DNAAF9: variants seen among roughly 807,000 people sequenced by gnomAD.
DNAAF9 encodes shulin.
In DNAAF9, 90 loss-of-function variants were observed where a neutral mutation model predicts 167.0. That is an observed-to-expected ratio of 0.54 (90% CI 0.45 to 0.64). The LOEUF is 0.64. Among genes scored for constraint, DNAAF9 ranks in the 30% least tolerant of loss-of-function variants. The probability of loss-of-function intolerance (pLI) is 0.00; values close to 1 mark genes in which losing one functional copy is unlikely to be tolerated. For synonymous variants in DNAAF9, 491 were observed against 508.8 expected, an observed-to-expected ratio of 0.96 and a Z score of 0.47; for missense variants, 1,315 against 1,442.2, an observed-to-expected ratio of 0.91 and a Z score of 1.43.
chr20:3,265,468 G>A (rs1173873946), intron 30 of DNAAF9, among the ~76,000 whole-genome samples: 1 of 150,030 alleles, frequency 6.7e-6, no homozygotes. Context: ...TTAGGAGGCC[G>A]AGGCAGGAGA....
chr20:3,301,241 G>A (rs1384038972), intron 21 of DNAAF9, among the ~76,000 whole-genome samples: 3 of 149,152 alleles, frequency 2.0e-5, no homozygotes, highest in African/African-American at 7.4e-5. Context: ...AGGCTGGAGT[G>A]CAATGGCGCA....
intron 21 of DNAAF9, among the ~76,000 whole-genome samples, chr20:3,302,053 C>G (rs976712054): frequency 6.6e-6 from 1 of 152,024 alleles, no homozygotes; most frequent in African/African-American, 2.4e-5. Flanking sequence ...TGCAATTCTC[C>G]TGCCTCAGTC....
intron 31 of DNAAF9, among the ~76,000 whole-genome samples, chr20:3,260,345 C>CAAAAAA (rs773574489): frequency 6.7e-6 from 1 of 148,424 alleles, no homozygotes; most frequent in African/African-American, 2.5e-5. Flanking sequence ...GACTCCGTCT[C>CAAAAAA]AAAAAAAAAA....
chr20:3,367,009 T>C (rs1323749830), intron 6 of DNAAF9, among the ~76,000 whole-genome samples: 2 of 152,220 alleles, frequency 1.3e-5, no homozygotes, highest in Non-Finnish European at 2.9e-5. Context: ...AAGGCTGTTG[T>C]CAGCACTGAA....
In DNAAF9 at chr20:3,364,760, C is replaced by A. The variant is rs540357793; in HGVS notation, c.613-5167G>T. Among the ~76,000 whole-genome samples, 4 of 152,144 alleles carry A rather than the reference C, an allele frequency of 2.6e-5. No individual in the cohort carries two copies. In the East Asian group the frequency reaches 7.7e-4, roughly 29 times the overall value. Reference sequence around the variant, plus strand: ...TAAAAAATGCGAACAATCAACTGAGCCTTCAGTGAGTCACAATCTTTTTGC... The same window carrying A: ...TAAAAAATGCGAACAATCAACTGAGACTTCAGTGAGTCACAATCTTTTTGC... On this transcript the variant is annotated intron_variant, in intron 6 of 36. Coordinates refer to ENST00000252032, the MANE Select transcript of DNAAF9 (RefSeq NM_001009984.3).
Position 3,343,661 on chromosome 20 carries a change from A to C in DNAAF9, c.845+15T>G, listed in dbSNP as rs770818168. On this transcript the variant is annotated intron_variant, in intron 9 of 36. Transcript: ENST00000252032. ...CTATCACCATTCGCCCTTCTTCCCC[A>C]AGAAAGAAACTTACCTGTTTTCAGT... The C allele has an allele frequency of 6.2e-7, 1 of 1,605,078 alleles. No individual in the cohort carries two copies. The highest frequency in any genetic ancestry group is 1.7e-5 in the Admixed American group (1 of 59,572).
chr20:3,309,046 CACAA>C (rs1480410164), intron 20 of DNAAF9, among the ~76,000 whole-genome samples: 3 of 152,156 alleles, frequency 2.0e-5, no homozygotes, highest in Non-Finnish European at 4.4e-5. Context: ...TTGGAGAGGA[CACAA>C]ACATTCAGTC....
rs557223764 is a variant in DNAAF9, at chr20:3,406,534, C to T, written c.83+941G>A. 2.0e-5 allele frequency among the ~76,000 whole-genome samples: 3 copies of T among 152,276 alleles called. No individual in the cohort carries two copies. In the South Asian group the frequency reaches 6.2e-4, roughly 32 times the overall value. Reference sequence around the variant, plus strand: ...CCATCATTCCAACCTCCACACTGCGCCGGCGCCCCACACCAGCTCCATCAC... The same window carrying T: ...CCATCATTCCAACCTCCACACTGCGTCGGCGCCCCACACCAGCTCCATCAC... On this transcript the variant is annotated intron_variant, in intron 1 of 36. Coordinates refer to ENST00000252032, the MANE Select transcript of DNAAF9 (RefSeq NM_001009984.3).
intron 20 of DNAAF9, among the ~76,000 whole-genome samples, chr20:3,314,088 T>G (rs774683193): frequency 8.5e-5 from 13 of 152,200 alleles, no homozygotes; most frequent in Non-Finnish European, 1.8e-4. Context: ...GGCAGATGAC[T>G]TGTCTCTTTA....
chr20:3,307,449 T>C (rs1157567483), intron 20 of DNAAF9, among the ~76,000 whole-genome samples: 1 of 152,106 alleles, frequency 6.6e-6, no homozygotes, highest in African/African-American at 2.4e-5. Flanking sequence ...GATCCTCATC[T>C]GCTTGAAGCA....
chr20:3,290,857 C>T (rs979833970), intron 25 of DNAAF9, among the ~76,000 whole-genome samples: 20 of 149,438 alleles, frequency 1.3e-4, no homozygotes, highest in Admixed American at 6.7e-5. Flanking sequence ...GGTGTGATCT[C>T]AGCTCACTAC....
chr20:3,332,139 T>C (rs2069841028), intron 11 of DNAAF9, 141 bp downstream of exon 11: 2 of 603,490 alleles, frequency 3.3e-6, no homozygotes, highest in Non-Finnish European at 6.0e-6. Context: ...TATCCAGAAG[T>C]AATCAGAGAG....
intron 7 of DNAAF9, among the ~76,000 whole-genome samples, chr20:3,350,774 G>T (rs1048397138): frequency 6.6e-6 from 1 of 152,308 alleles, no homozygotes; most frequent in African/African-American, 2.4e-5. Flanking sequence ...GAAACAACTT[G>T]AAGGGAGTTC....
chr20:3,323,339 T>G (rs1353719591), intron 14 of DNAAF9, among the ~76,000 whole-genome samples: 1 of 132,716 alleles, frequency 7.5e-6, no homozygotes, highest in African/African-American at 2.9e-5. Flanking sequence ...TGGAGTGCAG[T>G]GGCGCAATCT....
Position 3,279,031 on chromosome 20 carries a change from C to A in DNAAF9, c.2613-82G>T. 5.0e-6 allele frequency: 5 copies of A among 994,566 alleles called. No homozygotes were observed. In the South Asian group the frequency reaches 5.6e-5, roughly 11 times the overall value. 61.6% of individuals were successfully genotyped at this position (994,566 alleles called of 1,614,324 possible). A position where few individuals can be genotyped will look rare whatever the true frequency, so the allele number is the denominator to read the frequency against. On this transcript the variant is annotated intron_variant, in intron 28 of 36. Coordinates refer to ENST00000252032, the MANE Select transcript of DNAAF9 (RefSeq NM_001009984.3). ...ATTATTTCCCATACAAATAGGAGTACCACTGACAAGCAAATTGACTCACAT... is the reference window on the plus strand; with the variant it reads ...ATTATTTCCCATACAAATAGGAGTAACACTGACAAGCAAATTGACTCACAT...
rs142498886 is a variant in DNAAF9, at chr20:3,289,605, G to A, written c.2327+524C>T. 1.7e-4 allele frequency among the ~76,000 whole-genome samples: 26 copies of A among 152,006 alleles called. No individual in the cohort carries two copies. In the East Asian group the frequency reaches 2.1e-3, roughly 12 times the overall value. On this transcript the variant is annotated intron_variant, in intron 26 of 36. Transcript: ENST00000252032. ...CGCAATCTCAGCTCACCGCAGCCTC[G>A]CCCTCCTAGGTTCAAGTGATCCTCC...
chr20:3,331,015 C>T (rs2069818407), intron 11 of DNAAF9, among the ~76,000 whole-genome samples: 2 of 151,876 alleles, frequency 1.3e-5, no homozygotes, highest in Admixed American at 1.3e-4. Flanking sequence ...TGGTCTCAAA[C>T]TCCTGACCTC....
intron 4 of DNAAF9, among the ~76,000 whole-genome samples, chr20:3,375,541 A>G (rs1331342187): frequency 6.6e-6 from 1 of 152,154 alleles, no homozygotes; most frequent in Non-Finnish European, 1.5e-5. Flanking sequence ...ACATTCAAAC[A>G]CAGGAATGTC....
intron 7 of DNAAF9, among the ~76,000 whole-genome samples, chr20:3,351,442 C>G (rs540215284): frequency 4.0e-5 from 6 of 151,892 alleles, no homozygotes; most frequent in African/African-American, 1.5e-4. Flanking sequence ...CAAGATCATG[C>G]CACTGCACTC....
Sources: gnomAD v4.1 joint callset for allele counts (sites outside exome capture counted in the v4.1 genomes callset) on GRCh38, gnomAD v4.1.1 for gene constraint, MANE v1.5 for transcripts, NCBI Gene and HGNC (gene_info 2026-07-23, HGNC 2026-07-21) for gene names.